MN1: variants seen among roughly 807,000 people sequenced by gnomAD.
The protein encoded by MN1 is transcriptional activator MN1.
A neutral mutation model predicts 86.9 loss-of-function variants in MN1; 19 were observed. The ratio of observed to expected loss-of-function variants is 0.22; its 90% CI spans 0.15 to 0.32. The LOEUF (loss-of-function observed/expected upper bound fraction) is 0.32, where lower values mean the gene tolerates loss of function less well. Ranked by LOEUF, MN1 falls within the 10% of genes least tolerant of loss-of-function variation. MN1 has a pLI of 1.00. For synonymous variants in MN1, 928 were observed against 849.6 expected, an observed-to-expected ratio of 1.09 and a Z score of -1.60; for missense variants, 1,841 against 1,862.0, an observed-to-expected ratio of 0.99 and a Z score of 0.21.
At chr22:27,789,344 C>T (rs1280318288) in intron 1 of MN1, among the ~76,000 whole-genome samples, 2 of 152,184 alleles carry the variant, frequency 1.3e-5, no homozygotes, top group African/African-American at 4.8e-5. Flanking sequence ...ATCTCCCAAA[C>T]CAAATACCAG....
At position 27,796,770 on chromosome 22, in the gene MN1, G is replaced by A. The variant is rs776013560; in HGVS notation, c.3774C>T (p.Ser1258=). ...AAACGAGTGTGCATATACCTTCTTT[G>A]CTGTTGGGGTTCTGGGGTTTGGCCT... ...WEKAKPQNPN[S]KEAHDLPANK... Residue 1258 remains serine (S), a synonymous_variant, in exon 1 of 2, where the codon AGC becomes AGT. Transcript: ENST00000302326. The A allele has an allele frequency of 6.3e-7, 1 of 1,596,526 alleles. No individual in the cohort carries two copies. The highest frequency in any genetic ancestry group is 2.2e-5 in the East Asian group (1 of 44,664).
At chr22:27,782,213 C>T (rs2267118) in intron 1 of MN1, among the ~76,000 whole-genome samples, 4,807 of 152,266 alleles carry the variant, frequency 0.032, 261 homozygotes, top group East Asian at 0.24. Flanking sequence ...CTGAATGCCC[C>T]GAACAAGGAG....
At chr22:27,762,580 C>T (rs1932841797) in intron 1 of MN1, among the ~76,000 whole-genome samples, 1 of 152,142 alleles carries the variant, frequency 6.6e-6, no homozygotes. Flanking sequence ...CCCTCCCCCT[C>T]TCTGTTTTCT....
At chr22:27,775,045 A>G (rs1265424557) in intron 1 of MN1, among the ~76,000 whole-genome samples, 1 of 152,170 alleles carries the variant, frequency 6.6e-6, no homozygotes, top group African/African-American at 2.4e-5. Context: ...CATGCTGAGG[A>G]GCAGTCAGAC....
Position 27,750,782 on chromosome 22 carries a change from A to G in MN1, c.*133T>C, listed in dbSNP as rs28501997. The stretch of plus-strand genomic sequence containing the variant: ...CCACTAAGCAGGTACCAACCTAGAG[A>G]AAAAAAAAAAACTCATCCACTCAGC... On this transcript the variant is annotated 3_prime_UTR_variant, in exon 2 of 2. Coordinates refer to ENST00000302326, the MANE Select transcript of MN1 (RefSeq NM_002430.3). The G allele has an allele frequency of 0.044, 15,355 of 345,474 alleles. 603 individuals carry two copies. The highest frequency in any genetic ancestry group is 0.26 in the African/African-American group (8,327 of 32,380). The allele number at this position is 345,474 out of a possible 1,614,324, so 21.4% of individuals were successfully genotyped here. A position where few individuals can be genotyped will look rare whatever the true frequency, so the allele number is the denominator to read the frequency against.
At position 27,748,669 on chromosome 22, in the gene MN1, CT is replaced by C. The variant is rs1328238861; in HGVS notation, c.*2245del. The C allele has an allele frequency of 9.4e-6, 2 of 213,400 alleles. No homozygotes were observed. The highest frequency in any genetic ancestry group is 1.9e-5 in the Non-Finnish European group (2 of 105,330). The allele number at this position is 213,400 out of a possible 1,614,324, so 13.2% of individuals were successfully genotyped here. ...AAACCAAATTTAATGAAATAACATC[CT>C]TTTGCTTAAGGCTATTTTTAAAGCT... On this transcript the variant is annotated 3_prime_UTR_variant, in exon 2 of 2. Transcript: ENST00000302326.
Position 27,797,801 on chromosome 22 carries a change from C to T in MN1, c.2743G>A (p.Gly915Ser). 2 of 1,595,780 alleles carry T rather than the reference C, an allele frequency of 1.3e-6. No individual in the cohort carries two copies. Among genetic ancestry groups the T allele is most frequent in the Non-Finnish European group, 1.7e-6 (2 of 1,172,900 alleles). Residue 915 changes from glycine to serine, a missense_variant, in exon 1 of 2, where the codon GGC (glycine) becomes AGC (serine). Coordinates refer to ENST00000302326, the MANE Select transcript of MN1 (RefSeq NM_002430.3). ...GPPNPPAQGD[G>S]TSLSPNYTLE... ...GTGTAGTTGGGGGAGAGGCTGGTGC[C>T]GTCCCCCTGGGCTGGAGGGTTGGGC...
At chr22:27,796,278 T>G (rs1933293389) in intron 1 of MN1, among the ~76,000 whole-genome samples, 1 of 152,018 alleles carries the variant, frequency 6.6e-6, no homozygotes, top group Admixed American at 6.6e-5. Context: ...TGCTGGCACC[T>G]AAAAGAACTA....
chr22:27,785,661 C>A (rs532420594), intron 1 of MN1, among the ~76,000 whole-genome samples: 1 of 152,240 alleles, frequency 6.6e-6, no homozygotes, highest in African/African-American at 2.4e-5. Context: ...CTGCTCTCTT[C>A]CGGCTTTACC....
chr22:27,775,243 C>A (rs928215368), intron 1 of MN1, among the ~76,000 whole-genome samples: 6 of 152,172 alleles, frequency 3.9e-5, no homozygotes, highest in Admixed American at 1.3e-4. Flanking sequence ...CCAACCTGGC[C>A]CCCCGCCCTT....
chr22:27,776,744 C>G (rs1374088405), intron 1 of MN1, among the ~76,000 whole-genome samples: 2 of 152,174 alleles, frequency 1.3e-5, no homozygotes, highest in Non-Finnish European at 2.9e-5. Flanking sequence ...CCCCCTCACC[C>G]GCCCCAACTC....
At chr22:27,790,287 A>G (rs1344796828) in intron 1 of MN1, among the ~76,000 whole-genome samples, 1 of 152,228 alleles carries the variant, frequency 6.6e-6, no homozygotes, top group Admixed American at 6.5e-5. Context: ...TGCCCCCTGA[A>G]GCGCACACTT....
At chr22:27,756,082 G>A (rs1164944686) in intron 1 of MN1, among the ~76,000 whole-genome samples, 1 of 152,226 alleles carries the variant, frequency 6.6e-6, no homozygotes, top group Non-Finnish European at 1.5e-5. Context: ...GCCTGTCAAT[G>A]TTGTTGGCCA....
chr22:27,766,923 C>G (rs1216832864), intron 1 of MN1, among the ~76,000 whole-genome samples: 1 of 152,188 alleles, frequency 6.6e-6, no homozygotes, highest in African/African-American at 2.4e-5. Flanking sequence ...CCACCACTTT[C>G]CTTTCTCTCT....
intron 1 of MN1, among the ~76,000 whole-genome samples, chr22:27,777,490 G>A (rs1022774825): frequency 3.3e-5 from 5 of 150,650 alleles, no homozygotes; most frequent in Admixed American, 2.7e-4. Context: ...CTATGATGGT[G>A]CCCCTGCACT....
chr22:27,797,039 T>G lies in MN1; in HGVS notation c.3505A>C (p.Ile1169Leu), dbSNP rs1003088874. The change falls in exon 1 of 2, where the codon ATC (isoleucine) becomes CTC (leucine). Residue 1169 changes from isoleucine (I) to leucine (L), a missense_variant. Physicochemically the swap from Ile to Leu is conservative, Grantham distance 5 (BLOSUM62 2). Coordinates refer to ENST00000302326, the MANE Select transcript of MN1 (RefSeq NM_002430.3). ...AGCCCCAGAGGCTGGTCCTCGGAGA[T>G]GCTGAACTGCTGCCTCTGTAGCTGG... ...QIQLQRQQFS[I>L]SEDQPLGLKG... 6.2e-7 allele frequency: 1 copy of G among 1,612,420 alleles called. No homozygotes were observed. Among genetic ancestry groups the G allele is most frequent in the African/African-American group, 1.3e-5 (1 of 74,922 alleles).
At chr22:27,780,934 A>AT (rs201761253) in intron 1 of MN1, among the ~76,000 whole-genome samples, 12,225 of 150,300 alleles carry the variant, frequency 0.081, 1,427 homozygotes, top group African/African-American at 0.26. Flanking sequence ...AGTTTTGAGT[A>AT]TTTTTTTTTT....
rs1266414680 is a variant in MN1 at position 27,797,288 on chromosome 22, G to T, written c.3256C>A (p.Pro1086Thr). 1.3e-6 allele frequency: 2 copies of T among 1,597,240 alleles called. No individual in the cohort carries two copies. The highest frequency in any genetic ancestry group is 2.2e-5 in the East Asian group (1 of 44,778). The change falls in exon 1 of 2, where the codon CCC becomes ACC. Residue 1086 changes from proline to threonine, a missense_variant. By Grantham distance (38) the Pro-to-Thr change is conservative. Transcript: ENST00000302326. ...TGTTCCCCGGCGCCTACCCCACGGG[G>T]AGGGAGTTTGGGCGAGCCGGTCACC... ...PLVTGSPKLPPRGVGAGEHGP... is the reference protein window; with the variant it reads ...PLVTGSPKLPTRGVGAGEHGP...
Position 27,798,998 on chromosome 22 carries a change from C to A in MN1, c.1546G>T (p.Ala516Ser). 1 of 1,607,254 alleles carries A rather than the reference C, an allele frequency of 6.2e-7. No homozygotes were observed. The highest frequency in any genetic ancestry group is 1.3e-5 in the African/African-American group (1 of 74,804). Reference protein sequence around the residue: ...FPSGPPLQHPAPDHQSLQQQQ... With the variant: ...FPSGPPLQHPSPDHQSLQQQQ... ...TGTTGCAGGGACTGGTGGTCCGGGG[C>A]CGGATGCTGCAGGGGCGGCCCCGAA... The change falls in exon 1 of 2, where the codon GCC becomes TCC. Residue 516 changes from alanine (A) to serine (S), a missense_variant. Transcript: ENST00000302326.
Sources: allele counts gnomAD v4.1 joint callset (sites outside exome capture counted in the v4.1 genomes callset), GRCh38; gene constraint gnomAD v4.1.1; transcripts MANE v1.5; gene names NCBI Gene and HGNC (gene_info 2026-07-23, HGNC 2026-07-21).